The following NPAS3 variants were observed in gnomAD, a reference collection of about 807,000 sequenced individuals.
The protein encoded by NPAS3 is neuronal PAS domain protein 3, also known as neuronal PAS domain-containing protein 3.
NPAS3 carries 14 observed loss-of-function variants against 73.1 expected under a neutral mutation model. The observed-to-expected ratio is 0.19, with a 90% CI of 0.13 to 0.30. The LOEUF is 0.30. Among genes scored for constraint, NPAS3 ranks in the 10% least tolerant of loss-of-function variants. NPAS3 has a pLI of 1.00. For missense variants in NPAS3, 1,096 were observed against 1,250.0 expected, an observed-to-expected ratio of 0.88 and a Z score of 1.86; for synonymous variants, 620 against 541.5, an observed-to-expected ratio of 1.14 and a Z score of -2.01.
At chr14:33,081,450 A>G (rs1364082999) in intron 2 of NPAS3, among the ~76,000 whole-genome samples, 1 of 152,070 alleles carries the variant, frequency 6.6e-6, no homozygotes, top group Non-Finnish European at 1.5e-5. Flanking sequence ...GAGCTGTTCC[A>G]CTTCTAATTT....
At chr14:33,031,443 C>T (rs1047187864) in intron 1 of NPAS3, among the ~76,000 whole-genome samples, 12 of 152,244 alleles carry the variant, frequency 7.9e-5, no homozygotes, top group Non-Finnish European at 1.0e-4. Flanking sequence ...CTTTTTATGA[C>T]GCATGGCACC....
At chr14:32,939,728 G>A (rs568285517) in intron 1 of NPAS3, among the ~76,000 whole-genome samples, 56 of 152,174 alleles carry the variant, frequency 3.7e-4, no homozygotes, top group Middle Eastern at 3.4e-3. Context: ...CGAGGGTGGG[G>A]GGCCGGGGAT....
intron 6 of NPAS3, among the ~76,000 whole-genome samples, chr14:33,696,871 C>G (rs1168771782): frequency 6.6e-6 from 1 of 152,192 alleles, no homozygotes; most frequent in Non-Finnish European, 1.5e-5. Flanking sequence ...CTAGAATCTG[C>G]TGAACATGCG....
intron 3 of NPAS3, among the ~76,000 whole-genome samples, chr14:33,316,185 T>TA (rs1296285512): frequency 3.9e-5 from 6 of 152,252 alleles, no homozygotes; most frequent in Admixed American, 3.9e-4. Context: ...ACATATCAGT[T>TA]ACCTTAATTG....
intron 4 of NPAS3, among the ~76,000 whole-genome samples, chr14:33,552,726 C>G (rs1193976386): frequency 2.0e-5 from 3 of 151,854 alleles, no homozygotes; most frequent in Non-Finnish European, 4.4e-5. Flanking sequence ...TGTGAGTGAA[C>G]AGCATATATT....
intron 4 of NPAS3, among the ~76,000 whole-genome samples, chr14:33,486,511 G>A (rs968730299): frequency 2.6e-5 from 4 of 152,140 alleles, no homozygotes; most frequent in Admixed American, 1.3e-4. Flanking sequence ...AAGTTTTATT[G>A]CAACTCTAGG....
intron 6 of NPAS3, among the ~76,000 whole-genome samples, chr14:33,711,958 T>C (rs2060830645): frequency 6.6e-6 from 1 of 152,116 alleles, no homozygotes; most frequent in South Asian, 2.1e-4. Flanking sequence ...GAGACTCAGC[T>C]AAAGGAAGTG....
At chr14:33,487,599 A>G (rs2051674308) in intron 4 of NPAS3, among the ~76,000 whole-genome samples, 1 of 152,210 alleles carries the variant, frequency 6.6e-6, no homozygotes, top group South Asian at 2.1e-4. Context: ...CCTCCAATGT[A>G]TCCAGTTATT....
chr14:32,948,325 C>T (rs1191318748), intron 1 of NPAS3, among the ~76,000 whole-genome samples: 1 of 152,056 alleles, frequency 6.6e-6, no homozygotes, highest in Non-Finnish European at 1.5e-5. Flanking sequence ...AGATATATTG[C>T]ATCCTAATCT....
At chr14:33,045,074 T>C (rs931373782) in intron 1 of NPAS3, among the ~76,000 whole-genome samples, 15 of 152,160 alleles carry the variant, frequency 9.9e-5, no homozygotes, top group African/African-American at 2.7e-4. Context: ...CCATACCCAG[T>C]ACATTAAGGC....
intron 4 of NPAS3, among the ~76,000 whole-genome samples, chr14:33,474,844 C>G (rs1018704094): frequency 6.6e-6 from 1 of 152,182 alleles, no homozygotes; most frequent in Non-Finnish European, 1.5e-5. Flanking sequence ...TTACTGATTA[C>G]TTATGAAGTT....
chr14:33,108,148 G>GAAATC (rs1367414869), intron 2 of NPAS3, among the ~76,000 whole-genome samples: 1 of 150,218 alleles, frequency 6.7e-6, no homozygotes, highest in African/African-American at 2.4e-5. Context: ...GTAGAATTTA[G>GAAATC]AAATCCAGGC....
intron 5 of NPAS3, among the ~76,000 whole-genome samples, chr14:33,643,441 G>A (rs572313977): frequency 6.8e-6 from 1 of 147,700 alleles, no homozygotes; most frequent in East Asian, 2.0e-4. Flanking sequence ...TGTAAAGTTA[G>A]CAGCACTGCT....
At chr14:32,971,972 C>A (rs544352490) in intron 1 of NPAS3, among the ~76,000 whole-genome samples, 67 of 131,156 alleles carry the variant, frequency 5.1e-4, no homozygotes, top group African/African-American at 1.9e-3. Context: ...TGGAGTCTCA[C>A]TCTTCGACCA....
chr14:33,365,512 G>A (rs2045802151), intron 3 of NPAS3, among the ~76,000 whole-genome samples: 1 of 152,118 alleles, frequency 6.6e-6, no homozygotes, highest in Non-Finnish European at 1.5e-5. Context: ...TGATTTTTCT[G>A]TTTTAAGATT....
intron 7 of NPAS3, among the ~76,000 whole-genome samples, chr14:33,771,405 T>A (rs2062647491): frequency 6.6e-6 from 1 of 152,162 alleles, no homozygotes; most frequent in African/African-American, 2.4e-5. Flanking sequence ...CTTTGGTAAT[T>A]TTCTTTGTTT....
At chr14:33,078,538 A>AC (rs555128307) in intron 2 of NPAS3, among the ~76,000 whole-genome samples, 314 of 79,532 alleles carry the variant, frequency 3.9e-3, no homozygotes, top group Middle Eastern at 0.025. Context: ...AAACCAAAAA[A>AC]AAAAAAACAA....
chr14:33,732,833 G>T (rs1392948299), intron 6 of NPAS3, among the ~76,000 whole-genome samples: 1 of 150,848 alleles, frequency 6.6e-6, no homozygotes, highest in Non-Finnish European at 1.5e-5. Flanking sequence ...GCCTCATTCA[G>T]GGCACGATGC....
chr14:33,437,314 G>A (rs930191252), intron 4 of NPAS3, among the ~76,000 whole-genome samples: 3 of 152,120 alleles, frequency 2.0e-5, no homozygotes, highest in African/African-American at 4.8e-5. Flanking sequence ...TTCCTAAGGC[G>A]GTATAGAACC....
Sources: allele counts gnomAD v4.1 joint callset (sites outside exome capture counted in the v4.1 genomes callset), GRCh38; gene constraint gnomAD v4.1.1; transcripts MANE v1.5; gene names NCBI Gene and HGNC (gene_info 2026-07-23, HGNC 2026-07-21).